The following RABGAP1L variants were observed in gnomAD, a reference collection of about 807,000 sequenced individuals.
The protein encoded by RABGAP1L is RAB GTPase activating protein 1 like, also known as rab GTPase-activating protein 1-like.
Under a neutral mutation model 137.7 loss-of-function variants are expected in RABGAP1L, and 63 were observed. The ratio of observed to expected loss-of-function variants is 0.46; its 90% CI spans 0.37 to 0.56. The LOEUF is 0.56. Ranked by LOEUF, RABGAP1L falls within the 20% of genes least tolerant of loss-of-function variation. The pLI is 0.00. For missense variants in RABGAP1L, 1,095 were observed against 1,244.0 expected, an observed-to-expected ratio of 0.88 and a Z score of 1.80; for synonymous variants, 431 against 433.7, an observed-to-expected ratio of 0.99 and a Z score of 0.08.
rs188631340 is a variant in RABGAP1L at position 174,829,301 on chromosome 1, G to C, written c.2340+17341G>C. Among the ~76,000 whole-genome samples, 76 of 148,598 alleles carry C rather than the reference G, an allele frequency of 5.1e-4. 10 individuals are homozygous for C. The East Asian group carries it at 0.015, about 30-fold the overall frequency. ...GGAAAATCCTCAAATGTTACACTGA[G>C]TGGTATTCCAGGTTTATTCCTATAG... is the stretch of plus-strand genomic sequence containing the variant. On this transcript the variant is annotated intron_variant, in intron 19 of 25. Coordinates refer to ENST00000681986, the MANE Select transcript of RABGAP1L (RefSeq NM_001366446.1).
At chr1:174,393,932 ATGGCAACAGCAGTTCAGGAGT>A in intron 12 of RABGAP1L, 42 bp from the exon 13 acceptor site, 1 of 1,551,586 alleles carries the variant, frequency 6.4e-7, no homozygotes. Flanking sequence ...TATACTTTTC[ATGGCAACAGCAGTTCAGGAGT>A]TGTAAAGGAA....
intron 13 of RABGAP1L, chr1:174,548,687 G>T (rs1271335043): frequency 1.8e-6 from 1 of 557,490 alleles, no homozygotes; most frequent in South Asian, 8.0e-5. Flanking sequence ...ATTCATTTTG[G>T]TTGGAAAGTT....
At chr1:174,349,701 C>G (rs1682888536) in intron 11 of RABGAP1L, among the ~76,000 whole-genome samples, 2 of 138,952 alleles carry the variant, frequency 1.4e-5, no homozygotes, top group African/African-American at 2.6e-5. Flanking sequence ...CCCCACCTCC[C>G]TCCCGGACAG....
At chr1:174,392,056 A>G (rs1226068442) in intron 12 of RABGAP1L, among the ~76,000 whole-genome samples, 2 of 152,058 alleles carry the variant, frequency 1.3e-5, no homozygotes, top group Non-Finnish European at 1.5e-5. Flanking sequence ...AATAATTAAT[A>G]CTCTTCCTCT....
chr1:174,851,151 A>G (rs1234590346), intron 19 of RABGAP1L, among the ~76,000 whole-genome samples: 1 of 152,260 alleles, frequency 6.6e-6, no homozygotes, highest in East Asian at 1.9e-4. Flanking sequence ...GGGATGTGAG[A>G]TAATAAATGG....
chr1:174,954,306 A>C lies in RABGAP1L; in HGVS notation c.2341-3151A>C, dbSNP rs1209172517. ...TAAGCTTGGAAGGTTTCCTAGCAAC[A>C]TATTGTTCTGGGAACCTGCTCTGTT... On this transcript the variant is annotated intron_variant, in intron 19 of 25. Transcript: ENST00000681986. The C allele has an allele frequency of 4.6e-5, 7 of 152,184 alleles. No individual in the cohort carries two copies. In the South Asian group the frequency reaches 1.5e-3, roughly 32 times the overall value. 9.4% of individuals were successfully genotyped at this position (152,184 alleles called of 1,614,324 possible).
chr1:174,925,507 G>C (rs563824571), intron 19 of RABGAP1L, among the ~76,000 whole-genome samples: 1 of 152,026 alleles, frequency 6.6e-6, no homozygotes, highest in African/African-American at 2.4e-5. Context: ...GAGACCAGAC[G>C]TAGAATAGCC....
chr1:174,431,862 G>T lies in RABGAP1L; in HGVS notation c.1710+37717G>T, dbSNP rs1652670417. ...CTTGGTTTAAGAAGACAGAGGAATA[G>T]ATAATACATCTTTTAAGAATTTAGA... On this transcript the variant is annotated intron_variant, in intron 13 of 25. Coordinates refer to ENST00000681986, the MANE Select transcript of RABGAP1L (RefSeq NM_001366446.1). Among the ~76,000 whole-genome samples, 4 of 152,290 alleles carry T rather than the reference G, an allele frequency of 2.6e-5. No individual in the cohort carries two copies. In the South Asian group the frequency reaches 8.3e-4, roughly 32 times the overall value.
chr1:174,420,447 T>C (rs10489258), intron 13 of RABGAP1L, among the ~76,000 whole-genome samples: 53,504 of 151,992 alleles, frequency 0.35, 12,073 homozygotes, highest in African/African-American at 0.64. Flanking sequence ...ATATGAATCT[T>C]GAACATACAA....
At chr1:174,705,282 AC>A (rs1265101329) in intron 17 of RABGAP1L, 4 of 152,160 alleles carry the variant, frequency 2.6e-5, no homozygotes, top group African/African-American at 4.8e-5. Context: ...TGGCATCGGA[AC>A]ATTGTCCATG....
chr1:174,490,217 C>T (rs909540571), intron 13 of RABGAP1L, among the ~76,000 whole-genome samples: 5 of 152,180 alleles, frequency 3.3e-5, no homozygotes, highest in South Asian at 4.2e-4. Flanking sequence ...TTATTTGTAA[C>T]GGTCTTTCTT....
chr1:174,756,211 C>G (rs1164785754), intron 18 of RABGAP1L, among the ~76,000 whole-genome samples: 1 of 152,130 alleles, frequency 6.6e-6, no homozygotes, highest in Non-Finnish European at 1.5e-5. Context: ...AGCGGTGGCA[C>G]AATCTTGGCT....
intron 13 of RABGAP1L, among the ~76,000 whole-genome samples, chr1:174,608,815 T>C (rs919865870): frequency 8.5e-5 from 13 of 152,138 alleles, no homozygotes; most frequent in Non-Finnish European, 1.9e-4. Flanking sequence ...GTTTAGGAAA[T>C]TGATTATTTG....
intron 12 of RABGAP1L, among the ~76,000 whole-genome samples, chr1:174,384,447 GA>G (rs919982589): frequency 1.4e-5 from 2 of 143,530 alleles, no homozygotes; most frequent in Non-Finnish European, 3.1e-5. Context: ...TGACAAAAAA[GA>G]AAAAAAAGCC....
intron 13 of RABGAP1L, among the ~76,000 whole-genome samples, chr1:174,611,697 G>A (rs972398006): frequency 2.6e-5 from 4 of 151,794 alleles, no homozygotes; most frequent in Admixed American, 6.6e-5. Flanking sequence ...AGCATGGAAT[G>A]TTCTTCCATT....
Position 174,250,544 on chromosome 1 carries a change from G to T in RABGAP1L, c.787G>T (p.Asp263Tyr). The stretch of plus-strand genomic sequence containing the variant: ...TTCCAGACAAGTGTCTGATGTTAAA[G>T]ACTCAGTTATTCCTACCCCCGACAG... ...RSSRQVSDVK[D>Y]SVIPTPDSDV... Residue 263 changes from aspartate (D) to tyrosine (Y), a missense_variant, in exon 6 of 26, where the codon GAC (aspartate) becomes TAC (tyrosine). This residue lies in a region of RABGAP1L where 356 missense variants were observed against 326.3 expected (regional missense o/e 1.09). Coordinates refer to ENST00000681986, the MANE Select transcript of RABGAP1L (RefSeq NM_001366446.1). 6.2e-7 allele frequency: 1 copy of T among 1,613,704 alleles called. No individual in the cohort carries two copies.
At chr1:174,535,631 C>G (rs2147909520) in intron 13 of RABGAP1L, among the ~76,000 whole-genome samples, 1 of 152,284 alleles carries the variant, frequency 6.6e-6, no homozygotes, top group Non-Finnish European at 1.5e-5. Flanking sequence ...TTCCCAATTT[C>G]TTCAACCTTT....
intron 11 of RABGAP1L, among the ~76,000 whole-genome samples, chr1:174,364,889 C>G (rs1300488057): frequency 6.6e-6 from 1 of 152,082 alleles, no homozygotes; most frequent in East Asian, 1.9e-4. Context: ...GCAGTGGGAT[C>G]CTTTTCGGCC....
At chr1:174,782,777 G>T (rs1558073560) in intron 18 of RABGAP1L, among the ~76,000 whole-genome samples, 1 of 152,106 alleles carries the variant, frequency 6.6e-6, no homozygotes, top group Non-Finnish European at 1.5e-5. Context: ...TAAACACGGG[G>T]CTTGTAACTC....
Sources: gnomAD v4.1 joint callset for allele counts (sites outside exome capture counted in the v4.1 genomes callset) on GRCh38, gnomAD v4.1.1 for gene constraint, gnomAD v4.1.1 regional missense constraint, MANE v1.5 for transcripts, NCBI Gene and HGNC (gene_info 2026-07-23, HGNC 2026-07-21) for gene names.